The following ZEB2 variants were observed in gnomAD, a reference collection of about 807,000 sequenced individuals.
ZEB2 encodes the protein zinc finger E-box-binding homeobox 2.
Under a neutral mutation model 99.9 loss-of-function variants are expected in ZEB2, and 6 were observed. The observed-to-expected ratio is 0.06, with a 90% CI of 0.03 to 0.12. The LOEUF is 0.12. ZEB2 is among the 10% of genes least tolerant of loss of function. The probability of loss-of-function intolerance (pLI) is 1.00; values close to 1 mark genes in which losing one functional copy is unlikely to be tolerated. For missense variants in ZEB2, 969 were observed against 1,502.8 expected, an observed-to-expected ratio of 0.64 and a Z score of 5.87; for synonymous variants, 517 against 542.5, an observed-to-expected ratio of 0.95 and a Z score of 0.65.
rs996844964 is a variant in ZEB2, at chr2:144,408,352, C to T, written c.404-3328G>A. Among the ~76,000 whole-genome samples, 6 of 152,114 alleles carry T rather than the reference C, an allele frequency of 3.9e-5. No homozygotes were observed. In the East Asian group the frequency reaches 1.2e-3, roughly 29 times the overall value. On this transcript the variant is annotated intron_variant, in intron 4 of 9. Transcript: ENST00000627532. ...CTGCAGCTGAGCTAGGAACTTAGAC[C>T]TAATACTCAGGCAACTGTAGAATAA...
At chr2:144,405,219 T>G in intron 4 of ZEB2, 195 bp from the exon 5 acceptor site, 1 of 624,698 alleles carries the variant, frequency 1.6e-6, no homozygotes, top group Non-Finnish European at 2.8e-6. Context: ...AGGCGGGCAC[T>G]TTCCTTCAAG....
intron 2 of ZEB2, among the ~76,000 whole-genome samples, chr2:144,481,887 T>C (rs1293220504): frequency 6.6e-6 from 1 of 152,210 alleles, no homozygotes; most frequent in African/African-American, 2.4e-5. Context: ...ACCTCCCCTT[T>C]TGAAACATTT....
intron 3 of ZEB2, chr2:144,427,830 T>C (rs1253367213): frequency 6.6e-6 from 1 of 152,190 alleles, no homozygotes; most frequent in African/African-American, 2.4e-5. Flanking sequence ...TTATTTACCA[T>C]AAAGGTAAGA....
intron 9 of ZEB2, among the ~76,000 whole-genome samples, chr2:144,392,988 A>C: frequency 6.6e-6 from 1 of 152,224 alleles, no homozygotes; most frequent in Non-Finnish European, 1.5e-5. Flanking sequence ...TTATCTACTC[A>C]AAAGTAGAAA....
chr2:144,399,858 C>T lies in ZEB2; in HGVS notation c.1329G>A (p.Met443Ile). The change falls in exon 8 of 10, where the codon ATG becomes ATA. Residue 443 changes from methionine (M) to isoleucine (I), a missense_variant. Coordinates refer to ENST00000627532, the MANE Select transcript of ZEB2 (RefSeq NM_014795.4). This position sits in a 1 kb window ranked among gnomAD's most constrained non-coding sequence, Gnocchi z 5.6. ...TGGGAAACCCAAGTAAAGGGGCTTC[C>T]ATCCCTACACCTAAGTGCTGCATTG... is the stretch of plus-strand genomic sequence containing the variant. ...QSPMQHLGVG[M>I]EAPLLGFPTM... is the part of the protein sequence containing the mutation. 1 of 1,614,170 alleles carries T rather than the reference C, an allele frequency of 6.2e-7. No homozygotes were observed. The highest frequency in any genetic ancestry group is 1.3e-5 in the African/African-American group (1 of 75,042).
intron 2 of ZEB2, among the ~76,000 whole-genome samples, chr2:144,472,528 G>A (rs545165494): frequency 6.6e-5 from 10 of 152,194 alleles, no homozygotes; most frequent in African/African-American, 2.2e-4. Context: ...TGCCAGCAGT[G>A]CTCTAAATAA....
At chr2:144,422,088 A>G (rs545772071) in intron 4 of ZEB2, among the ~76,000 whole-genome samples, 1 of 152,322 alleles carries the variant, frequency 6.6e-6, no homozygotes, top group Non-Finnish European at 1.5e-5. Context: ...TGCTAATTTC[A>G]TCACTGTCTC....
At chr2:144,450,180 A>G (rs1240673925) in intron 2 of ZEB2, 1 of 151,894 alleles carries the variant, frequency 6.6e-6, no homozygotes, top group Admixed American at 6.6e-5. Flanking sequence ...TCTACTATGG[A>G]AAAGTGTTTG....
At chr2:144,506,322 G>T (rs1704950384) in intron 2 of ZEB2, among the ~76,000 whole-genome samples, 1 of 152,146 alleles carries the variant, frequency 6.6e-6, no homozygotes, top group Non-Finnish European at 1.5e-5. Context: ...GTGCACATGG[G>T]CTGTATTTAG....
intron 2 of ZEB2, among the ~76,000 whole-genome samples, chr2:144,440,487 A>G (rs987011929): frequency 4.3e-4 from 33 of 77,462 alleles, no homozygotes; most frequent in African/African-American, 1.3e-3. Context: ...CAAAAGCAGT[A>G]TATATATATA....
intron 2 of ZEB2, among the ~76,000 whole-genome samples, chr2:144,479,564 C>T (rs1168303359): frequency 6.6e-6 from 1 of 151,634 alleles, no homozygotes; most frequent in African/African-American, 2.4e-5. Context: ...TATTCTCCTG[C>T]TGTAGCCCTT....
intron 2 of ZEB2, among the ~76,000 whole-genome samples, chr2:144,506,942 A>C (rs542514300): frequency 6.6e-6 from 1 of 152,180 alleles, no homozygotes; most frequent in African/African-American, 2.4e-5. Context: ...AATACATTTT[A>C]GGAAATCATT....
At chr2:144,504,118 A>C (rs1344589575) in intron 2 of ZEB2, 1 of 147,786 alleles carries the variant, frequency 6.8e-6, no homozygotes, top group Non-Finnish European at 1.5e-5. Context: ...AAACCACCTT[A>C]ATTTCCTCCT....
intron 2 of ZEB2, among the ~76,000 whole-genome samples, chr2:144,456,617 G>T (rs1466377557): frequency 6.6e-6 from 1 of 152,062 alleles, no homozygotes; most frequent in Admixed American, 6.6e-5. Flanking sequence ...TACAATAATT[G>T]ATGCTATTAA....
intron 2 of ZEB2, chr2:144,494,770 T>C (rs1333484830): frequency 6.6e-6 from 1 of 152,208 alleles, no homozygotes; most frequent in East Asian, 1.9e-4. Context: ...CACGTAATCC[T>C]GTTACCTGTG....
intron 2 of ZEB2, among the ~76,000 whole-genome samples, chr2:144,507,207 G>T (rs1302730862): frequency 1.3e-5 from 2 of 152,194 alleles, no homozygotes; most frequent in Non-Finnish European, 2.9e-5. Flanking sequence ...TTATAGTAAA[G>T]TGTTGTGTGG....
chr2:144,450,006 G>A (rs1560629148), intron 2 of ZEB2, among the ~76,000 whole-genome samples: 1 of 152,192 alleles, frequency 6.6e-6, no homozygotes, highest in Non-Finnish European at 1.5e-5. Context: ...ATAGACTTGA[G>A]TAGTAAGCTA....
chr2:144,429,637 T>C (rs566399875), intron 3 of ZEB2, 132 bp downstream of exon 3: 1 of 1,400,414 alleles, frequency 7.1e-7, no homozygotes, highest in Admixed American at 1.8e-5. Flanking sequence ...AGCTTTGGTA[T>C]CTCTATTCTG....
chr2:144,390,340 A>T (rs2149872850), intron 9 of ZEB2, among the ~76,000 whole-genome samples: 1 of 152,350 alleles, frequency 6.6e-6, no homozygotes, highest in East Asian at 1.9e-4. Flanking sequence ...TGTTCTATTC[A>T]ACAAGACATT....
Sources: gnomAD v4.1 joint callset for allele counts (sites outside exome capture counted in the v4.1 genomes callset) on GRCh38, gnomAD v4.1.1 for gene constraint, Gnocchi (gnomAD v3.1) non-coding constraint, MANE v1.5 for transcripts, NCBI Gene and HGNC (gene_info 2026-07-23, HGNC 2026-07-21) for gene names.